The following VPS13A variants were observed in gnomAD, a reference collection of about 807,000 sequenced individuals.
The protein encoded by VPS13A is vacuolar protein sorting 13 homolog A.
Under a neutral mutation model 390.9 loss-of-function variants are expected in VPS13A, and 264 were observed. The observed-to-expected ratio is 0.68, with a 90% CI of 0.61 to 0.75. The LOEUF (loss-of-function observed/expected upper bound fraction) is 0.75, where lower values mean the gene tolerates loss of function less well. VPS13A is among the 30% of genes least tolerant of loss of function. VPS13A has a pLI of 0.00. For synonymous variants in VPS13A, 1,231 were observed against 1,227.1 expected (o/e 1.00, Z -0.07); for missense variants, 3,409 against 3,733.9 (o/e 0.91, Z 2.27).
At chr9:77,290,754 C>T (rs1015838425) in intron 31 of VPS13A, among the ~76,000 whole-genome samples, 7 of 152,180 alleles carry the variant, frequency 4.6e-5, no homozygotes, top group African/African-American at 1.7e-4. Flanking sequence ...ATTTATGTTA[C>T]CATGTTTTTT....
chr9:77,182,825 G>T (rs1220849599), intron 1 of VPS13A, among the ~76,000 whole-genome samples: 1 of 151,948 alleles, frequency 6.6e-6, no homozygotes, highest in Non-Finnish European at 1.5e-5. Context: ...ACTAACATAC[G>T]TATTCTGTTT....
chr9:77,339,962 T>C, intron 48 of VPS13A, 51 bp downstream of exon 48: 1 of 1,587,338 alleles, frequency 6.3e-7, no homozygotes, highest in Non-Finnish European at 8.5e-7. Flanking sequence ...CTTGTCACTT[T>C]TTAGTTTTTA....
chr9:77,377,212 T>TTC (rs1554675541), intron 67 of VPS13A, among the ~76,000 whole-genome samples: 1 of 115,588 alleles, frequency 8.7e-6, no homozygotes, highest in Non-Finnish European at 1.8e-5. Context: ...TGTTTTTTTT[T>TTC]TTTTTTTTTT....
chr9:77,305,161 A>G lies in VPS13A; in HGVS notation c.3960+2099A>G, dbSNP rs368221022. 5.4e-3 allele frequency among the ~76,000 whole-genome samples: 824 copies of G among 152,038 alleles called. 8 individuals carry two copies. The highest frequency in any genetic ancestry group is 0.02 in the Middle Eastern group (6 of 294). On this transcript the variant is annotated intron_variant, in intron 34 of 71. Transcript: ENST00000360280. Reference sequence around the variant, plus strand: ...CACCGTGTTAGCCAGGATGGTCTTGATCTCCTGACCTCGTGATCCACCCCC... The same window carrying G: ...CACCGTGTTAGCCAGGATGGTCTTGGTCTCCTGACCTCGTGATCCACCCCC...
chr9:77,219,375 C>G (rs1291799548), intron 10 of VPS13A, among the ~76,000 whole-genome samples: 1 of 152,110 alleles, frequency 6.6e-6, no homozygotes, highest in Non-Finnish European at 1.5e-5. Context: ...TCTGCTATTA[C>G]TGGTCTTCCT....
intron 25 of VPS13A, among the ~76,000 whole-genome samples, 177 bp downstream of exon 25, chr9:77,275,829 A>G (rs1826634573): frequency 6.8e-6 from 1 of 147,528 alleles, no homozygotes; most frequent in Admixed American, 6.8e-5. Flanking sequence ...TTTAAATAAG[A>G]TTAACTTCCT....
At chr9:77,226,114 A>G in intron 14 of VPS13A, 126 bp downstream of exon 14, 4 of 813,284 alleles carry the variant, frequency 4.9e-6, no homozygotes, top group Non-Finnish European at 7.6e-6. Context: ...GCTTTTTAGT[A>G]TTATAAGAAA....
chr9:77,377,203 G>GTTTTTTGTTTTTTTT (rs1833131844), intron 67 of VPS13A, among the ~76,000 whole-genome samples: 2 of 69,066 alleles, frequency 2.9e-5, no homozygotes, highest in Admixed American at 1.9e-4. Flanking sequence ...TTTTGATGCT[G>GTTTTTTGTTTTTTTT]TTTTTTTTTT....
rs149840356 is a variant in VPS13A, at chr9:77,316,303, A to G, written c.4760A>G (p.Tyr1587Cys). 13,366 of 1,613,384 alleles carry G rather than the reference A, an allele frequency of 8.3e-3. 73 individuals carry two copies. Among genetic ancestry groups the G allele is most frequent in the Non-Finnish European group, 0.01 (12,091 of 1,179,472 alleles). The change falls in exon 39 of 72, where the codon TAT becomes TGT. Residue 1587 changes from tyrosine (Y) to cysteine (C), a missense_variant. This residue lies in a region of VPS13A where 2,717 missense variants were observed against 2,917.4 expected (regional missense o/e 0.93). Transcript: ENST00000360280. The stretch of plus-strand genomic sequence containing the variant: ...ATTACAACACAATGTGAAATTTGCT[A>G]TAAAGGTAACCTTGAAAATAGTACA... ...LVITTQCEIC[Y>C]KGNLENSTMT...
intron 68 of VPS13A, among the ~76,000 whole-genome samples, chr9:77,388,974 T>TCA (rs1833798669): frequency 6.6e-6 from 1 of 152,216 alleles, no homozygotes; most frequent in Non-Finnish European, 1.5e-5. Context: ...AACTTTAGTA[T>TCA]TTTATAAAGA....
At position 77,370,724 on chromosome 9, in the gene VPS13A, T is replaced by C. The variant is rs1587676769; in HGVS notation, c.8907+146T>C. 7.4e-6 allele frequency: 10 copies of C among 1,354,052 alleles called. No individual in the cohort carries two copies. The East Asian group carries it at 2.3e-4, about 31-fold the overall frequency. The allele number at this position is 1,354,052 out of a possible 1,614,324, so 83.9% of individuals were successfully genotyped here. On this transcript the variant is annotated intron_variant, in intron 65 of 71. Transcript: ENST00000360280. ...GCAGTGGGTGGTAGCATATAAAACA[T>C]GTCAGTAGCCTCTAAAACATTCTGT...
intron 55 of VPS13A, among the ~76,000 whole-genome samples, chr9:77,357,359 T>C (rs1383011551): frequency 6.6e-6 from 1 of 151,210 alleles, no homozygotes; most frequent in Non-Finnish European, 1.5e-5. Flanking sequence ...AAAACTTTCT[T>C]TTAAGATACT....
chr9:77,302,767 A>G (rs1828456805), intron 33 of VPS13A, 148 bp from the exon 34 acceptor site: 1 of 839,702 alleles, frequency 1.2e-6, no homozygotes, highest in African/African-American at 1.7e-5. Flanking sequence ...GACAGATAAA[A>G]AAAAAGTCTG....
chr9:77,339,762 G>A lies in VPS13A; in HGVS notation c.6625G>A (p.Val2209Met). ...HMTYNTGQTVVAFHSPYWMVN... is the reference protein window; with the variant it reads ...HMTYNTGQTVMAFHSPYWMVN... ...GACTTACAATACTGGTCAGACAGTTGTGGCATTTCATAGTCCTTATTGGAT... is the reference window on the plus strand; with the variant it reads ...GACTTACAATACTGGTCAGACAGTTATGGCATTTCATAGTCCTTATTGGAT... Residue 2209 changes from valine (V) to methionine (M), a missense_variant, in exon 48 of 72, where the codon GTG (valine) becomes ATG (methionine). By Grantham distance (21) the Val-to-Met change is conservative. This residue lies in a region of VPS13A where 2,717 missense variants were observed against 2,917.4 expected (regional missense o/e 0.93). Transcript: ENST00000360280. 1 of 1,614,078 alleles carries A rather than the reference G, an allele frequency of 6.2e-7. No individual in the cohort carries two copies. Among genetic ancestry groups the A allele is most frequent in the South Asian group, 1.1e-5 (1 of 91,078 alleles).
rs749689446 is a variant in VPS13A at position 77,345,161 on chromosome 9, C to T, written c.7289+19C>T. The T allele has an allele frequency of 6.2e-7, 1 of 1,611,308 alleles. No homozygotes were observed. On this transcript the variant is annotated intron_variant, in intron 52 of 71. Transcript: ENST00000360280. ...ATCAAAGGTAAGATTATCACAAATA[C>T]AGTAACTCTTGATGGTGTAAGTCTA... is the stretch of plus-strand genomic sequence containing the variant.
rs185066823 is a variant in VPS13A, at chr9:77,239,867, C to T, written c.1900+1481C>T. Among the ~76,000 whole-genome samples, 101 of 151,958 alleles carry T rather than the reference C, an allele frequency of 6.6e-4. 2 individuals are homozygous for T. The highest frequency in any genetic ancestry group is 6.0e-3 in the Admixed American group (91 of 15,270). The stretch of plus-strand genomic sequence containing the variant: ...TATTGGGAAGTTAAATATTCTCTAT[C>T]TCTTTTTATTTTATAAATTACAGTA... On this transcript the variant is annotated intron_variant, in intron 19 of 71. Transcript: ENST00000360280.
rs769782298 is a variant in VPS13A at position 77,356,748 on chromosome 9, A to G, written c.7687A>G (p.Lys2563Glu). The G allele has an allele frequency of 9.9e-6, 16 of 1,613,482 alleles. No individual in the cohort carries two copies. The East Asian group carries it at 1.3e-4, about 13-fold the overall frequency. ...DVVWETKPKKKARWKPMSVKH... is the reference protein window; with the variant it reads ...DVVWETKPKKEARWKPMSVKH... ...GGTTTGGGAAACAAAGCCCAAGAAG[A>G]AGGCAAGATGGAAGCCAATGAGTGT... Residue 2563 changes from lysine to glutamate, a missense_variant, in exon 55 of 72, where the codon AAG (lysine) becomes GAG (glutamate). Coordinates refer to ENST00000360280, the MANE Select transcript of VPS13A (RefSeq NM_033305.3).
chr9:77,281,324 C>T (rs1283302209), intron 27 of VPS13A, among the ~76,000 whole-genome samples: 1 of 152,026 alleles, frequency 6.6e-6, no homozygotes, highest in African/African-American at 2.4e-5. Flanking sequence ...GATAGGAAAG[C>T]GAGGTGACAG....
rs750364269 is a variant in VPS13A at position 77,275,611 on chromosome 9, G to A, written c.2626G>A (p.Val876Ile). The A allele has an allele frequency of 1.2e-6, 2 of 1,613,588 alleles. No individual in the cohort carries two copies. The highest frequency in any genetic ancestry group is 2.2e-5 in the South Asian group (2 of 91,060). The stretch of plus-strand genomic sequence containing the variant: ...AAAGTTACAAAAGCAGGATTGTTCA[G>A]TAAATATGACTACATTTAAAATAAG... ...TRKLQKQDCS[V>I]NMTTFKIRFE... The change falls in exon 25 of 72, where the codon GTA (valine) becomes ATA (isoleucine). Residue 876 changes from valine (V) to isoleucine (I), a missense_variant. Val to Ile is a conservative substitution (Grantham distance 29). Around this residue, in one of 5 missense-constraint regions of VPS13A, gnomAD observed 2,717 missense variants for 2,917.4 expected, o/e 0.93. Coordinates refer to ENST00000360280, the MANE Select transcript of VPS13A (RefSeq NM_033305.3).
Sources: allele counts gnomAD v4.1 joint callset (sites outside exome capture counted in the v4.1 genomes callset), GRCh38; gene constraint gnomAD v4.1.1; regional missense constraint gnomAD v4.1.1; transcripts MANE v1.5; gene names NCBI Gene and HGNC (gene_info 2026-07-23, HGNC 2026-07-21).